MYH6: variants seen among roughly 807,000 people sequenced by gnomAD.
MYH6 encodes the protein myosin heavy chain 6.
A neutral mutation model predicts 223.2 loss-of-function variants in MYH6; 126 were observed. The observed-to-expected ratio is 0.56, with a 90% CI of 0.49 to 0.65. The LOEUF (loss-of-function observed/expected upper bound fraction) is 0.65, where lower values mean the gene tolerates loss of function less well. Ranked by LOEUF, MYH6 falls within the 30% of genes least tolerant of loss-of-function variation. The pLI, the probability that MYH6 is intolerant of heterozygous loss-of-function variation, is 0.00. For synonymous variants in MYH6, 978 were observed against 1,010.2 expected, an observed-to-expected ratio of 0.97 and a Z score of 0.61; for missense variants, 2,040 against 2,536.4, an observed-to-expected ratio of 0.80 and a Z score of 4.20.
At chr14:23,400,672 A>G in intron 13 of MYH6, 37 bp downstream of exon 13, 1 of 1,614,158 alleles carries the variant, frequency 6.2e-7, no homozygotes. Context: ...GGAGCAAGCG[A>G]GTGATTGTTC....
At chr14:23,395,057 G>T (rs943578314) in intron 20 of MYH6, among the ~76,000 whole-genome samples, 5 of 152,176 alleles carry the variant, frequency 3.3e-5, no homozygotes, top group African/African-American at 1.2e-4. Context: ...TAGAGACGGG[G>T]TTTCACCATG....
chr14:23,405,607 A>G lies in MYH6; in HGVS notation c.345+20T>C. On this transcript the variant is annotated intron_variant, in intron 4 of 38. Coordinates refer to ENST00000405093, the MANE Select transcript of MYH6 (RefSeq NM_002471.4). This position sits in a 1 kb window ranked among gnomAD's most constrained non-coding sequence, Gnocchi z 4.7. ...TCCACGCAGCACAGGAAGCCTCTGC[A>G]GTGTGCAGGAGCCACTCACATATAT... The G allele has an allele frequency of 1.2e-6, 2 of 1,614,132 alleles. No homozygotes were observed. Among genetic ancestry groups the G allele is most frequent in the South Asian group, 1.1e-5 (1 of 91,082 alleles).
At chr14:23,404,688 C>T (rs759583326) in intron 7 of MYH6, 23 bp downstream of exon 7, 19 of 1,607,720 alleles carry the variant, frequency 1.2e-5, no homozygotes, top group South Asian at 3.3e-5. Flanking sequence ...CCTGTTCTGC[C>T]GAGCCTGTGT....
Position 23,397,584 on chromosome 14 carries a change from T to G in MYH6, c.1921A>C (p.Lys641Gln), listed in dbSNP as rs768209175. 3.1e-6 allele frequency: 5 copies of G among 1,614,248 alleles called. No homozygotes were observed. In the South Asian group the frequency reaches 5.5e-5, roughly 18 times the overall value. The change falls in exon 16 of 39, where the codon AAA becomes CAA. Residue 641 changes from lysine (K) to glutamine (Q), a missense_variant. By Grantham distance (53) the Lys-to-Gln change is moderately conservative. Transcript: ENST00000405093. Reference sequence around the variant, plus strand: ...ACCGTCTGGAAGGATGAGCCCTTTTTCTTGCCTCCTTTGCTTTTACCACTG... The same window carrying G: ...ACCGTCTGGAAGGATGAGCCCTTTTGCTTGCCTCCTTTGCTTTTACCACTG... Reference protein sequence around the residue: ...GDSGKSKGGKKKGSSFQTVSA... With the variant: ...GDSGKSKGGKQKGSSFQTVSA...
chr14:23,396,356 A>T lies in MYH6; in HGVS notation c.2357T>A (p.Ile786Asn), dbSNP rs200229373. ...GGCTTGGGCCTGCATGCGCGTGATGATGCGGCTCAGCCTCTCATCCCGCAT... is the reference window on the plus strand; with the variant it reads ...GGCTTGGGCCTGCATGCGCGTGATGTTGCGGCTCAGCCTCTCATCCCGCAT... ...EEMRDERLSR[I>N]ITRMQAQARG... is the part of the protein sequence containing the mutation. Residue 786 changes from isoleucine to asparagine, a missense_variant, in exon 20 of 39, where the codon ATC becomes AAC. Coordinates refer to ENST00000405093, the MANE Select transcript of MYH6 (RefSeq NM_002471.4). The T allele has an allele frequency of 1.2e-5, 19 of 1,614,108 alleles. No homozygotes were observed. In the East Asian group the frequency reaches 4.2e-4, roughly 36 times the overall value.
intron 20 of MYH6, 65 bp from the exon 21 acceptor site, chr14:23,394,388 A>G (rs180795969): frequency 6.2e-7 from 1 of 1,603,594 alleles, no homozygotes; most frequent in Admixed American, 1.7e-5. Context: ...CATGGGCCCT[A>G]CTAAGCAAGT....
At position 23,394,309 on chromosome 14, in the gene MYH6, A is replaced by G; in HGVS notation, c.2444T>C (p.Val815Ala). The G allele has an allele frequency of 1.2e-6, 2 of 1,614,178 alleles. No homozygotes were observed. Among genetic ancestry groups the G allele is most frequent in the East Asian group, 4.5e-5 (2 of 44,890 alleles). Residue 815 changes from valine to alanine, a missense_variant, in exon 21 of 39, where the codon GTA becomes GCA. Physicochemically the swap from Val to Ala is moderately conservative, Grantham distance 64. Transcript: ENST00000405093. ...GAAGGCCCGAATGTTCCACTGGATTACCAGCAGGGCATCCCTGGCAAGGAA... is the reference window on the plus strand; with the variant it reads ...GAAGGCCCGAATGTTCCACTGGATTGCCAGCAGGGCATCCCTGGCAAGGAA... ...KIVERRDALL[V>A]IQWNIRAFMG...
chr14:23,403,666 G>A, intron 9 of MYH6, 49 bp downstream of exon 9: 2 of 1,537,614 alleles, frequency 1.3e-6, no homozygotes, highest in Non-Finnish European at 1.8e-6. Flanking sequence ...GGCAGGGAGA[G>A]AAGGCAGAGG....
chr14:23,382,189 T>C, intron 38 of MYH6, 126 bp from the exon 39 acceptor site: 1 of 1,149,476 alleles, frequency 8.7e-7, no homozygotes, highest in Non-Finnish European at 1.3e-6. Context: ...GCCCCAGGGA[T>C]CCTGTGGTCC....
Position 23,405,848 on chromosome 14 carries a change from C to T in MYH6, c.202-78G>A. ...CTTGCCAGCACTGCCCACTGACCTC[C>T]TCCCAGGACACAGGGACTTGGCCTT... is the stretch of plus-strand genomic sequence containing the variant. On this transcript the variant is annotated intron_variant, in intron 3 of 38. Transcript: ENST00000405093. This position sits in a 1 kb window ranked among gnomAD's most constrained non-coding sequence, Gnocchi z 4.7. 1 of 1,588,458 alleles carries T rather than the reference C, an allele frequency of 6.3e-7. No individual in the cohort carries two copies. The highest frequency in any genetic ancestry group is 8.6e-7 in the Non-Finnish European group (1 of 1,157,360).
intron 8 of MYH6, among the ~76,000 whole-genome samples, 190 bp from the exon 9 acceptor site, chr14:23,403,968 A>G (rs17091645): frequency 0.025 from 3,852 of 152,236 alleles, 173 homozygotes; most frequent in African/African-American, 0.086. Flanking sequence ...TCCTAGTGGA[A>G]CCTCGGCCCA....
Position 23,399,919 on chromosome 14 carries a change from G to A in MYH6, c.1581+337C>T, listed in dbSNP as rs559773692. The A allele has an allele frequency of 5.7e-4, 219 of 381,352 alleles. 2 individuals carry two copies. Among genetic ancestry groups the A allele is most frequent in the South Asian group, 5.0e-3 (212 of 42,746 alleles). The allele number at this position is 381,352 out of a possible 1,614,324, so 23.6% of individuals were successfully genotyped here. A position where few individuals can be genotyped will look rare whatever the true frequency, so the allele number is the denominator to read the frequency against. On this transcript the variant is annotated intron_variant, in intron 14 of 38. Coordinates refer to ENST00000405093, the MANE Select transcript of MYH6 (RefSeq NM_002471.4). ...TTATTTCTCAACCAACAGGAAGGTGGTGGGAGGCCAAACATCTCTAATTTC... is the reference window on the plus strand; with the variant it reads ...TTATTTCTCAACCAACAGGAAGGTGATGGGAGGCCAAACATCTCTAATTTC...
At position 23,397,182 on chromosome 14, in the gene MYH6, G is replaced by A. The variant is rs576497958; in HGVS notation, c.2038C>T (p.Arg680Trp). Residue 680 changes from arginine to tryptophan, a missense_variant, in exon 17 of 39, where the codon CGG becomes TGG. By Grantham distance (101) the Arg-to-Trp change is moderately radical. Coordinates refer to ENST00000405093, the MANE Select transcript of MYH6 (RefSeq NM_002471.4). ...TCTCCTGGCTCACCTGGAGCCTTCCGCTCATTGGGGATGATGCAACGCACA... is the reference window on the plus strand; with the variant it reads ...TCTCCTGGCTCACCTGGAGCCTTCCACTCATTGGGGATGATGCAACGCACA... ...HFVRCIIPNE[R>W]KAPGVMDNPL... 2 of 1,614,188 alleles carry A rather than the reference G, an allele frequency of 1.2e-6. No individual in the cohort carries two copies. The highest frequency in any genetic ancestry group is 1.1e-5 in the South Asian group (1 of 91,090).
In MYH6 at chr14:23,393,476, T is replaced by A; in HGVS notation, c.2971A>T (p.Ile991Phe). 6.2e-7 allele frequency: 1 copy of A among 1,614,200 alleles called. No homozygotes were observed. Among genetic ancestry groups the A allele is most frequent in the Admixed American group, 1.7e-5 (1 of 60,030 alleles). Residue 991 changes from isoleucine (I) to phenylalanine (F), a missense_variant, in exon 23 of 39, where the codon ATC becomes TTC. Physicochemically the swap from Ile to Phe is conservative, Grantham distance 21. This residue lies in a region of MYH6 where 1,203 missense variants were observed against 1,400.2 expected (regional missense o/e 0.86). Coordinates refer to ENST00000405093, the MANE Select transcript of MYH6 (RefSeq NM_002471.4). Reference sequence around the variant, plus strand: ...TTCTTCTCCTTGGTCAGCTTAGCGATGATTTCATCCAGCCCAGCCATCTCC... The same window carrying A: ...TTCTTCTCCTTGGTCAGCTTAGCGAAGATTTCATCCAGCCCAGCCATCTCC... ...TEEMAGLDEI[I>F]AKLTKEKKAL...
At chr14:23,392,469 C>G in intron 25 of MYH6, 93 bp downstream of exon 25, 1 of 998,226 alleles carries the variant, frequency 1.0e-6, no homozygotes, top group Non-Finnish European at 1.6e-6. Context: ...CCTGGAGTTC[C>G]AGATATTGTG....
Position 23,385,005 on chromosome 14 carries a change from A to T in MYH6, c.5200T>A (p.Ser1734Thr). Residue 1734 changes from serine to threonine, a missense_variant, in exon 35 of 39, where the codon TCG becomes ACG. Physicochemically the swap from Ser to Thr is moderately conservative, Grantham distance 58 (BLOSUM62 1). Coordinates refer to ENST00000405093, the MANE Select transcript of MYH6 (RefSeq NM_002471.4). ...SLINQKKKMESDLTQLQSEVE... is the reference protein window; with the variant it reads ...SLINQKKKMETDLTQLQSEVE... Reference sequence around the variant, plus strand: ...TCCGACTGGAGCTGGGTCAGATCCGACTCCATCTTCTTCTTCTGGTTGATG... The same window carrying T: ...TCCGACTGGAGCTGGGTCAGATCCGTCTCCATCTTCTTCTTCTGGTTGATG... The T allele has an allele frequency of 1.9e-6, 3 of 1,613,860 alleles. 1 individual carries two copies. Among genetic ancestry groups the T allele is most frequent in the Middle Eastern group, 3.3e-4 (2 of 6,062 alleles).
chr14:23,387,389 T>C (rs1157704968), intron 32 of MYH6, 140 bp downstream of exon 32: 1 of 1,368,962 alleles, frequency 7.3e-7, no homozygotes, highest in Non-Finnish European at 1.0e-6. Flanking sequence ...TCATGGGTAG[T>C]GAATAGTGGG....
chr14:23,401,005 C>T, intron 12 of MYH6, 28 bp from the exon 13 acceptor site: 1 of 1,609,200 alleles, frequency 6.2e-7, no homozygotes, highest in Non-Finnish European at 8.5e-7. Context: ...GATAAGTGAG[C>T]ACTTCCTTTT....
chr14:23,404,708 C>T lies in MYH6; in HGVS notation c.642+3G>A, dbSNP rs374013248. The T allele has an allele frequency of 6.2e-7, 1 of 1,613,890 alleles. No individual in the cohort carries two copies. The highest frequency in any genetic ancestry group is 2.2e-5 in the East Asian group (1 of 44,874). ...TCTGCCGAGCCTGTGTCCCCCATGG[C>T]ACCTTGTTCGCATTGGCATTGTCCT... On this transcript the variant is annotated splice_donor_region_variant and intron_variant, in intron 7 of 38. Transcript: ENST00000405093.
Sources: allele counts gnomAD v4.1 joint callset (sites outside exome capture counted in the v4.1 genomes callset), GRCh38; gene constraint gnomAD v4.1.1; regional missense constraint gnomAD v4.1.1; non-coding constraint Gnocchi (gnomAD v3.1); transcripts MANE v1.5; gene names NCBI Gene and HGNC (gene_info 2026-07-23, HGNC 2026-07-21).